The following PCDHGA4 variants were observed in gnomAD, a reference collection of about 807,000 sequenced individuals.
PCDHGA4 encodes protocadherin gamma-A4.
Under a neutral mutation model 54.6 loss-of-function variants are expected in PCDHGA4, and 38 were observed. The observed-to-expected ratio is 0.70, with a 90% CI of 0.54 to 0.91. The LOEUF (loss-of-function observed/expected upper bound fraction) is 0.91, where lower values mean the gene tolerates loss of function less well. Ranked by LOEUF, PCDHGA4 falls within the 40% of genes least tolerant of loss-of-function variation. The pLI is 0.00. For missense variants in PCDHGA4, 1,298 were observed against 1,220.9 expected (o/e 1.06, Z -0.94); for synonymous variants, 511 against 512.9 (o/e 1.00, Z 0.05).
chr5:141,410,660 T>C (rs911543817), intron 1 of PCDHGA4: 12 of 1,572,396 alleles, frequency 7.6e-6, no homozygotes, highest in African/African-American at 2.7e-5. Context: ...TCTAATAGTC[T>C]ACTAGTTTCT....
intron 1 of PCDHGA4, chr5:141,402,861 A>G (rs2094315270): frequency 7.0e-7 from 1 of 1,430,150 alleles, no homozygotes; most frequent in Non-Finnish European, 9.2e-7. Context: ...CTTCTAAGGA[A>G]AAGATCACCA....
chr5:141,370,467 T>C lies in PCDHGA4; in HGVS notation c.2514+12846T>C, dbSNP rs563836197. 3.3e-5 allele frequency: 53 copies of C among 1,613,232 alleles called. 2 individuals are homozygous for C. In the South Asian group the frequency reaches 4.4e-4, roughly 13 times the overall value. On this transcript the variant is annotated intron_variant, in intron 1 of 3. Transcript: ENST00000571252. ...GCTATTTCTCTTCCTGCTCTCTTTG[T>C]TAGACCAGGCTCTCTCCGAACCGAT...
intron 1 of PCDHGA4, chr5:141,433,165 C>T: frequency 2.5e-6 from 4 of 1,613,470 alleles, no homozygotes; most frequent in Non-Finnish European, 2.5e-6. Context: ...TTTCTAAAGA[C>T]AGTCATGGGT....
At chr5:141,495,274 G>A (rs1396412578) in intron 2 of PCDHGA4, among the ~76,000 whole-genome samples, 1 of 152,190 alleles carries the variant, frequency 6.6e-6, no homozygotes, top group Non-Finnish European at 1.5e-5. Context: ...TTGACCGGAG[G>A]AGGCGGTCCG....
chr5:141,400,657 T>G (rs2094057580), intron 1 of PCDHGA4: 1 of 1,081,498 alleles, frequency 9.2e-7, no homozygotes, highest in African/African-American at 1.6e-5. Context: ...TGTCCTACCA[T>G]TCTTTAAGAG....
At chr5:141,435,954 G>A (rs1163590812) in intron 1 of PCDHGA4, among the ~76,000 whole-genome samples, 2 of 152,092 alleles carry the variant, frequency 1.3e-5, no homozygotes, top group African/African-American at 2.4e-5. Flanking sequence ...AAAAAAGGGG[G>A]CAAAATATAG....
chr5:141,510,526 A>T (rs1164238062), intron 3 of PCDHGA4, among the ~76,000 whole-genome samples: 1 of 152,156 alleles, frequency 6.6e-6, no homozygotes, highest in East Asian at 1.9e-4. Flanking sequence ...CAGCCCTGAG[A>T]GAAATACCAG....
chr5:141,499,565 C>T (rs1291006795), intron 2 of PCDHGA4, among the ~76,000 whole-genome samples: 1 of 152,168 alleles, frequency 6.6e-6, no homozygotes, highest in East Asian at 1.9e-4. Flanking sequence ...CACTATCCAG[C>T]TTCAACTAAT....
chr5:141,426,642 G>T, intron 1 of PCDHGA4: 1 of 411,420 alleles, frequency 2.4e-6, no homozygotes, highest in South Asian at 1.7e-5. Context: ...TCACATAAAT[G>T]TGATGATAGA....
At chr5:141,371,941 C>A (rs781345070) in intron 1 of PCDHGA4, 1 of 1,613,174 alleles carries the variant, frequency 6.2e-7, no homozygotes, top group Non-Finnish European at 8.5e-7. Flanking sequence ...GTGGTGTTCG[C>A]GCAGCGAGCC....
At chr5:141,375,304 T>C (rs1436249937) in intron 1 of PCDHGA4, 4 of 1,613,762 alleles carry the variant, frequency 2.5e-6, no homozygotes, top group Non-Finnish European at 3.4e-6. Flanking sequence ...TAGTGACAAA[T>C]GCAGCTCTAG....
Position 141,489,699 on chromosome 5 carries a change from A to G in PCDHGA4, c.2515-5108A>G. ...CAGCAGCATCTGGGGCACGATTCCC[A>G]CTGGACAGTGCCCAGGATCCGGATG... is the stretch of plus-strand genomic sequence containing the variant. On this transcript the variant is annotated intron_variant, in intron 1 of 3. Transcript: ENST00000571252. The surrounding 1 kb of genome is among the most constrained non-coding windows in gnomAD (Gnocchi z 4.5). The G allele has an allele frequency of 6.2e-7, 1 of 1,614,102 alleles. No homozygotes were observed. The highest frequency in any genetic ancestry group is 8.5e-7 in the Non-Finnish European group (1 of 1,179,956).
intron 1 of PCDHGA4, chr5:141,376,036 G>T: frequency 6.2e-7 from 1 of 1,613,116 alleles, no homozygotes; most frequent in Non-Finnish European, 8.5e-7. Context: ...ACCACGGCCA[G>T]CCCCCTCTCT....
At chr5:141,408,410 G>C (rs1329403051) in intron 1 of PCDHGA4, 1 of 1,613,932 alleles carries the variant, frequency 6.2e-7, no homozygotes, top group African/African-American at 1.3e-5. Flanking sequence ...GCGAGTGAGC[G>C]CGGAGAAGCT....
Position 141,432,608 on chromosome 5 carries a change from T to G in PCDHGA4, c.2515-62199T>G. ...GCTCAAGGCCAGCGAGCCGGGACTC[T>G]TCTCGGTGGGTCTGCACACGGGCGA... On this transcript the variant is annotated intron_variant, in intron 1 of 3. Transcript: ENST00000571252. This position sits in a 1 kb window ranked among gnomAD's most constrained non-coding sequence, Gnocchi z 6.0. The G allele has an allele frequency of 6.2e-7, 1 of 1,613,864 alleles. No individual in the cohort carries two copies. The highest frequency in any genetic ancestry group is 8.5e-7 in the Non-Finnish European group (1 of 1,179,964).
chr5:141,366,106 A>T, intron 1 of PCDHGA4: 1 of 1,614,224 alleles, frequency 6.2e-7, no homozygotes, highest in Non-Finnish European at 8.5e-7. Context: ...CCAAGGTGGT[A>T]GCGGTGGACA....
intron 3 of PCDHGA4, among the ~76,000 whole-genome samples, chr5:141,506,925 A>G (rs1287267937): frequency 1.3e-5 from 2 of 152,152 alleles, no homozygotes; most frequent in African/African-American, 4.8e-5. Context: ...ATACTAAACA[A>G]ACTTTAGGGG....
At chr5:141,420,733 A>T (rs989644819) in intron 1 of PCDHGA4, among the ~76,000 whole-genome samples, 1 of 152,250 alleles carries the variant, frequency 6.6e-6, no homozygotes, top group African/African-American at 2.4e-5. Flanking sequence ...GTCGGTTAAA[A>T]TCAATTGGAA....
intron 1 of PCDHGA4, among the ~76,000 whole-genome samples, chr5:141,446,174 G>A (rs1242027176): frequency 1.3e-5 from 2 of 152,062 alleles, no homozygotes; most frequent in Non-Finnish European, 2.9e-5. Context: ...GAGGGCAGGG[G>A]GTGTTTTGTT....
Sources: gnomAD v4.1 joint callset for allele counts (sites outside exome capture counted in the v4.1 genomes callset) on GRCh38, gnomAD v4.1.1 for gene constraint, Gnocchi (gnomAD v3.1) non-coding constraint, MANE v1.5 for transcripts, NCBI Gene and HGNC (gene_info 2026-07-23, HGNC 2026-07-21) for gene names.